RGS13: variants seen among roughly 807,000 people sequenced by gnomAD.
RGS13 encodes the protein regulator of G-protein signalling 13.
RGS13 carries 14 observed loss-of-function variants against 19.9 expected under a neutral mutation model. The observed-to-expected ratio is 0.70, with a 90% CI of 0.46 to 1.10. The LOEUF (loss-of-function observed/expected upper bound fraction) is 1.10. Ranked by LOEUF, RGS13 falls within the 50% of genes least tolerant of loss-of-function variation. RGS13 has a pLI of 0.00. For synonymous variants in RGS13, 60 were observed against 56.8 expected, an observed-to-expected ratio of 1.06 and a Z score of -0.25; for missense variants, 205 against 187.1, an observed-to-expected ratio of 1.10 and a Z score of -0.56.
At chr1:192,637,994 G>T (rs1221458160) in intron 2 of RGS13, among the ~76,000 whole-genome samples, 170 bp from the exon 3 acceptor site, 1 of 152,018 alleles carries the variant, frequency 6.6e-6, no homozygotes, top group Non-Finnish European at 1.5e-5. Context: ...AAATGTGAGA[G>T]GATTTCATTC....
intron 4 of RGS13, chr1:192,647,169 G>GT (rs1266695028): frequency 3.9e-5 from 6 of 152,090 alleles, no homozygotes; most frequent in Admixed American, 2.0e-4. Context: ...AGATAAATAG[G>GT]TAAACACTTG....
At chr1:192,645,890 G>C (rs777745364) in intron 4 of RGS13, 1 of 151,938 alleles carries the variant, frequency 6.6e-6, no homozygotes. Flanking sequence ...AACAATCATC[G>C]ACACTTAATT....
At chr1:192,647,373 G>A (rs917769821) in intron 4 of RGS13, 1 of 152,126 alleles carries the variant, frequency 6.6e-6, no homozygotes, top group African/African-American at 2.4e-5. Flanking sequence ...TGAAAAATGA[G>A]AGAAAATCAA....
chr1:192,650,532 G>A (rs1663317620), intron 5 of RGS13, among the ~76,000 whole-genome samples: 2 of 152,036 alleles, frequency 1.3e-5, no homozygotes, highest in South Asian at 4.1e-4. Flanking sequence ...TATTTCTAAG[G>A]ACAGTAGCTC....
chr1:192,653,208 C>T (rs768672435), intron 5 of RGS13, among the ~76,000 whole-genome samples: 43 of 151,946 alleles, frequency 2.8e-4, no homozygotes, highest in South Asian at 4.2e-4. Context: ...AAAGAAAAAA[C>T]AGACAAAAGA....
At chr1:192,642,212 G>C (rs979329313) in intron 3 of RGS13, among the ~76,000 whole-genome samples, 11 of 151,978 alleles carry the variant, frequency 7.2e-5, no homozygotes, top group African/African-American at 2.2e-4. Context: ...CTTTCTTGCT[G>C]CAGTGAACAT....
Position 192,658,202 on chromosome 1 carries a change from T to C in RGS13, c.129T>C (p.Tyr43=), listed in dbSNP as rs754009730. ...AACTGATTTCTCCTCTACTTTTAGA[T>C]GGTCCAGTAGTCTATGCAGCATATT... is the stretch of plus-strand genomic sequence containing the variant. ...QSFENLMATK[Y]GPVVYAAYLK... The change falls in exon 6 of 7, where the codon TAT becomes TAC. Residue 43 remains tyrosine, a splice_region_variant and synonymous_variant. Coordinates refer to ENST00000391995, the MANE Select transcript of RGS13 (RefSeq NM_002927.5). 1.9e-6 allele frequency: 3 copies of C among 1,588,968 alleles called. No homozygotes were observed. The highest frequency in any genetic ancestry group is 1.4e-5 in the African/African-American group (1 of 73,772).
intron 5 of RGS13, among the ~76,000 whole-genome samples, chr1:192,654,385 C>G (rs1172635674): frequency 1.3e-5 from 2 of 151,066 alleles, no homozygotes; most frequent in Non-Finnish European, 3.0e-5. Context: ...GAAAAAAAGA[C>G]CCACAACTCT....
chr1:192,651,981 G>A (rs1663347085), intron 5 of RGS13, among the ~76,000 whole-genome samples: 2 of 152,156 alleles, frequency 1.3e-5, no homozygotes, highest in South Asian at 4.1e-4. Context: ...GACCACAGTT[G>A]TATATTTTTC....
In RGS13 at chr1:192,644,226, CT is replaced by C. The variant is rs370804072; in HGVS notation, c.-4-96del. 9.1e-4 allele frequency: 701 copies of C among 774,024 alleles called. 2 individuals are homozygous for C. Among genetic ancestry groups the C allele is most frequent in the African/African-American group, 2.7e-3 (152 of 55,282 alleles). The allele number at this position is 774,024 out of a possible 1,614,324, so 47.9% of individuals were successfully genotyped here. ...TATTCCATTAACTTCAAGAGCCCAT[CT>C]TTTTTTTTATGATTTATAATATTGT... On this transcript the variant is annotated intron_variant, in intron 3 of 6. Transcript: ENST00000391995.
chr1:192,647,972 T>G lies in RGS13; in HGVS notation c.112T>G (p.Leu38Val). The G allele has an allele frequency of 6.3e-7, 1 of 1,598,942 alleles. No homozygotes were observed. ...VLQWAQSFEN[L>V]MATKYGPVVY... ...ACAGTGGGCCCAGTCTTTTGAAAAT[T>G]TAATGGCTACAAAATGTGAGTATTG... The change falls in exon 5 of 7, where the codon TTA (leucine) becomes GTA (valine). Residue 38 changes from leucine to valine, a missense_variant. Leu to Val is a conservative substitution (Grantham distance 32). Coordinates refer to ENST00000391995, the MANE Select transcript of RGS13 (RefSeq NM_002927.5).
intron 5 of RGS13, among the ~76,000 whole-genome samples, chr1:192,650,892 T>C (rs1340940595): frequency 6.6e-6 from 1 of 151,976 alleles, no homozygotes; most frequent in Non-Finnish European, 1.5e-5. Context: ...TGTAACCAAA[T>C]AGAACTAAAG....
At chr1:192,644,616 C>T (rs1663183687) in intron 4 of RGS13, 2 of 477,484 alleles carry the variant, frequency 4.2e-6, no homozygotes, top group Middle Eastern at 5.5e-4. Context: ...AAGTTAAATG[C>T]TTTAGAATCT....
intron 1 of RGS13, among the ~76,000 whole-genome samples, chr1:192,636,675 T>A (rs1007251184): frequency 5.9e-5 from 9 of 152,010 alleles, no homozygotes. Context: ...CTGAATTATT[T>A]GTTTCAAAAA....
At chr1:192,652,508 A>G (rs543264173) in intron 5 of RGS13, among the ~76,000 whole-genome samples, 1 of 151,778 alleles carries the variant, frequency 6.6e-6, no homozygotes, top group East Asian at 1.9e-4. Flanking sequence ...TCCACTTAGC[A>G]CTTTTTGTCT....
At chr1:192,655,481 G>T (rs185976032) in intron 5 of RGS13, among the ~76,000 whole-genome samples, 4 of 152,162 alleles carry the variant, frequency 2.6e-5, no homozygotes, top group Non-Finnish European at 2.9e-5. Context: ...TCTAGAATAT[G>T]CTCTTCTTGT....
intron 5 of RGS13, among the ~76,000 whole-genome samples, chr1:192,656,834 T>C (rs1663452744): frequency 6.6e-6 from 1 of 152,062 alleles, no homozygotes; most frequent in African/African-American, 2.4e-5. Flanking sequence ...GACAAAATAC[T>C]TCGTTATCTT....
At chr1:192,639,858 AAAT>A (rs772819972) in intron 3 of RGS13, among the ~76,000 whole-genome samples, 2 of 152,152 alleles carry the variant, frequency 1.3e-5, no homozygotes, top group Non-Finnish European at 2.9e-5. Flanking sequence ...GTGCATCCAG[AAAT>A]TACTTTACCT....
chr1:192,650,420 T>C (rs1011069730), intron 5 of RGS13, among the ~76,000 whole-genome samples: 1 of 152,104 alleles, frequency 6.6e-6, no homozygotes, highest in Non-Finnish European at 1.5e-5. Context: ...AAATATTAAA[T>C]GTGCCAGAGA....
Sources: allele counts gnomAD v4.1 joint callset (sites outside exome capture counted in the v4.1 genomes callset), GRCh38; gene constraint gnomAD v4.1.1; transcripts MANE v1.5; gene names NCBI Gene and HGNC (gene_info 2026-07-23, HGNC 2026-07-21).